The following SORBS2 variants were observed in gnomAD, a reference collection of about 807,000 sequenced individuals.
SORBS2 encodes sorbin and SH3 domain-containing protein 2.
Under a neutral mutation model 97.7 loss-of-function variants are expected in SORBS2, and 46 were observed. The observed-to-expected ratio is 0.47, with a 90% CI of 0.37 to 0.60. The LOEUF is 0.60. Ranked by LOEUF, SORBS2 falls within the 20% of genes least tolerant of loss-of-function variation. The probability of loss-of-function intolerance (pLI) is 0.00; values close to 1 mark genes in which losing one functional copy is unlikely to be tolerated. For synonymous variants in SORBS2, 476 were observed against 473.4 expected (o/e 1.01, Z -0.07); for missense variants, 1,316 against 1,282.3 (o/e 1.03, Z -0.40).
chr4:185,698,490 C>G (rs2098211941), intron 2 of SORBS2, among the ~76,000 whole-genome samples: 1 of 126,556 alleles, frequency 7.9e-6, no homozygotes. Context: ...AAGACTCCAT[C>G]TCAAAAAAAT....
intron 1 of SORBS2, among the ~76,000 whole-genome samples, chr4:185,900,207 A>G (rs2099246999): frequency 6.6e-6 from 1 of 152,246 alleles, no homozygotes; most frequent in African/African-American, 2.4e-5. Context: ...CATAAGTAAA[A>G]AGGCAGTGAA....
chr4:185,599,458 A>G (rs2096201955), intron 12 of SORBS2, among the ~76,000 whole-genome samples: 1 of 152,240 alleles, frequency 6.6e-6, no homozygotes, highest in Non-Finnish European at 1.5e-5. Context: ...GGAAGTGGAT[A>G]GAATCCAGAC....
intron 6 of SORBS2, among the ~76,000 whole-genome samples, chr4:185,624,752 C>T (rs979987429): frequency 6.6e-6 from 1 of 152,162 alleles, no homozygotes; most frequent in East Asian, 1.9e-4. Flanking sequence ...TAAGAAGCAA[C>T]CGACGTAAGC....
At chr4:185,701,775 C>CTTTTT (rs34491237) in intron 2 of SORBS2, among the ~76,000 whole-genome samples, 1 of 144,368 alleles carries the variant, frequency 6.9e-6, no homozygotes, top group East Asian at 2.0e-4. Context: ...AAATTTCTTT[C>CTTTTT]TTTTTTTTTT....
At chr4:185,763,805 T>A (rs1398820237) in intron 2 of SORBS2, among the ~76,000 whole-genome samples, 7 of 152,230 alleles carry the variant, frequency 4.6e-5, no homozygotes, top group Admixed American at 4.6e-4. Flanking sequence ...GAAAAATTAT[T>A]CAATATTATC....
At chr4:185,929,164 C>T (rs796886679) in intron 1 of SORBS2, among the ~76,000 whole-genome samples, 21 of 152,286 alleles carry the variant, frequency 1.4e-4, no homozygotes, top group African/African-American at 5.1e-4. Flanking sequence ...CACAAGAATC[C>T]TATGACGAGC....
chr4:185,729,179 T>C (rs1297154315), intron 2 of SORBS2, among the ~76,000 whole-genome samples: 1 of 152,236 alleles, frequency 6.6e-6, no homozygotes, highest in East Asian at 1.9e-4. Flanking sequence ...TTTCCTTTAT[T>C]TCCTTATGTG....
intron 13 of SORBS2, among the ~76,000 whole-genome samples, chr4:185,591,430 A>G (rs2095931678): frequency 6.6e-6 from 1 of 152,174 alleles, no homozygotes; most frequent in African/African-American, 2.4e-5. Flanking sequence ...GGCCAAAAAG[A>G]CAGGCAGGTG....
intron 2 of SORBS2, among the ~76,000 whole-genome samples, chr4:185,686,960 T>C (rs1424681382): frequency 1.3e-5 from 2 of 152,230 alleles, no homozygotes; most frequent in Non-Finnish European, 2.9e-5. Flanking sequence ...ACGCGCTATA[T>C]TCCTTTTGAT....
At chr4:185,931,943 A>G (rs1367650685) in intron 1 of SORBS2, among the ~76,000 whole-genome samples, 1 of 151,592 alleles carries the variant, frequency 6.6e-6, no homozygotes, top group Non-Finnish European at 1.5e-5. Flanking sequence ...TTCTTATATG[A>G]GATTGCCCTA....
intron 1 of SORBS2, among the ~76,000 whole-genome samples, chr4:185,922,483 T>A (rs533822630): frequency 7.1e-4 from 108 of 152,316 alleles, no homozygotes; most frequent in African/African-American, 2.4e-3. Flanking sequence ...AATCATGGAA[T>A]TGAGCCTCAG....
At chr4:185,847,224 A>G (rs902279671) in intron 1 of SORBS2, among the ~76,000 whole-genome samples, 1 of 152,174 alleles carries the variant, frequency 6.6e-6, no homozygotes, top group East Asian at 1.9e-4. Flanking sequence ...TTTGAGCCTC[A>G]ATTAGTAGGA....
At chr4:185,679,642 T>C (rs2097843922) in intron 2 of SORBS2, among the ~76,000 whole-genome samples, 1 of 152,222 alleles carries the variant, frequency 6.6e-6, no homozygotes, top group Non-Finnish European at 1.5e-5. Context: ...TCAACTTTAC[T>C]TAGATTCATT....
intron 2 of SORBS2, among the ~76,000 whole-genome samples, chr4:185,699,249 C>A (rs977831759): frequency 3.4e-5 from 5 of 146,440 alleles, no homozygotes; most frequent in African/African-American, 9.9e-5. Flanking sequence ...TTAAGTAATA[C>A]ATTACTTACA....
At chr4:185,817,855 C>T (rs1364243305) in intron 1 of SORBS2, among the ~76,000 whole-genome samples, 1 of 152,156 alleles carries the variant, frequency 6.6e-6, no homozygotes, top group Non-Finnish European at 1.5e-5. Flanking sequence ...ATTAGAGGGT[C>T]ACCTTGTGTC....
intron 2 of SORBS2, among the ~76,000 whole-genome samples, 184 bp from the exon 6 acceptor site, chr4:185,679,006 A>G (rs1028742725): frequency 1.3e-5 from 2 of 152,160 alleles, no homozygotes; most frequent in African/African-American, 4.8e-5. Context: ...TTAGAATGTC[A>G]TTCATTAAAT....
intron 9 of SORBS2, among the ~76,000 whole-genome samples, chr4:185,618,127 C>T (rs563070856): frequency 1.3e-5 from 2 of 152,158 alleles, no homozygotes; most frequent in Admixed American, 6.5e-5. Context: ...GGTGTATGCC[C>T]CCATGCCTAG....
At chr4:185,821,613 G>T (rs987998118) in intron 1 of SORBS2, among the ~76,000 whole-genome samples, 1 of 151,926 alleles carries the variant, frequency 6.6e-6, no homozygotes, top group Non-Finnish European at 1.5e-5. Context: ...TAGTAGAGAC[G>T]GGGTTTCGCC....
upstream of SORBS2, among the ~76,000 whole-genome samples, chr4:185,659,456 A>G (rs62336098): frequency 0.16 from 24,432 of 151,252 alleles, 2,093 homozygotes; most frequent in East Asian, 0.25. Flanking sequence ...TTGCTCAGTC[A>G]CCCAGGCTGG....
Sources: allele counts gnomAD v4.1 joint callset (sites outside exome capture counted in the v4.1 genomes callset), GRCh38; gene constraint gnomAD v4.1.1; transcripts MANE v1.5; gene names NCBI Gene and HGNC (gene_info 2026-07-23, HGNC 2026-07-21).